Variants in LRRC71 observed in about 807,000 individuals in gnomAD.
The protein encoded by LRRC71 is leucine rich repeat containing 71.
A neutral mutation model predicts 66.6 loss-of-function variants in LRRC71; 54 were observed. The ratio of observed to expected loss-of-function variants is 0.81; its 90% confidence interval spans 0.65 to 1.02. The LOEUF (loss-of-function observed/expected upper bound fraction) is 1.02, where lower values mean the gene tolerates loss of function less well. Ranked by LOEUF, LRRC71 falls within the 50% of genes least tolerant of loss-of-function variation. The pLI is 0.00. For synonymous variants in LRRC71, 323 were observed against 303.9 expected (o/e 1.06, Z -0.65); for missense variants, 724 against 718.0 (o/e 1.01, Z -0.10).
At position 156,929,350 on chromosome 1, in the gene LRRC71, G is replaced by A. The variant is rs746568632; in HGVS notation, c.1067G>A (p.Ser356Asn). The change falls in exon 10 of 15, where the codon AGT becomes AAT. Residue 356 changes from serine to asparagine, a missense_variant. Transcript: ENST00000337428. ...AGTCAGATGGTAGGGATCAGCAATA[G>A]TGCATTGGTGGACAAGACAGACAAG... Reference protein sequence around the residue: ...EKSQMVGISNSALVDKTDKTQ... With the variant: ...EKSQMVGISNNALVDKTDKTQ... 6.8e-6 allele frequency: 11 copies of A among 1,613,468 alleles called. No individual in the cohort carries two copies. The highest frequency in any genetic ancestry group is 8.5e-6 in the Non-Finnish European group (10 of 1,179,730).
the LRRC71 span, chr1:156,940,186 G>C: frequency 6.5e-7 from 1 of 1,549,246 alleles, no homozygotes; most frequent in Non-Finnish European, 8.7e-7. Flanking sequence ...GGGGCTGACG[G>C]CAGGGCCTTG....
Position 156,924,564 on chromosome 1 carries a change from T to TCCCCCCCCCCCCC in LRRC71, c.439+18_439+19insCCCCCCCCCCCCC. ...AATCTACATCCGCGGTGAGCCCCGCTCCCCCCACCCGCCCCAGCTCCCTCC... is the reference window on the plus strand; with the variant it reads ...AATCTACATCCGCGGTGAGCCCCGCTCCCCCCCCCCCCCCCCCCCACCCGCCCCAGCTCCCTCC... On this transcript the variant is annotated intron_variant, in intron 3 of 14. Transcript: ENST00000337428. The TCCCCCCCCCCCCC allele has an allele frequency of 6.5e-7, 1 of 1,531,814 alleles. No homozygotes were observed. Among genetic ancestry groups the TCCCCCCCCCCCCC allele is most frequent in the Non-Finnish European group, 8.8e-7 (1 of 1,131,924 alleles). The allele number at this position is 1,531,814 out of a possible 1,614,324, so 94.9% of individuals were successfully genotyped here. A position where few individuals can be genotyped will look rare whatever the true frequency, so the allele number is the denominator to read the frequency against.
the LRRC71 span, chr1:156,940,469 G>C: frequency 6.5e-7 from 1 of 1,546,234 alleles, no homozygotes; most frequent in South Asian, 1.2e-5. Flanking sequence ...AAAGGGAGAG[G>C]GCACGTATGG....
At chr1:156,928,491 C>CTTT (rs1653739336) in intron 9 of LRRC71, among the ~76,000 whole-genome samples, 1 of 137,908 alleles carries the variant, frequency 7.3e-6, no homozygotes, top group African/African-American at 2.9e-5. Context: ...CCTCCTCCTC[C>CTTT]TCTTCTTCCT....
chr1:156,925,759 C>T (rs1015272996), intron 5 of LRRC71, among the ~76,000 whole-genome samples: 12 of 152,228 alleles, frequency 7.9e-5, no homozygotes, highest in Non-Finnish European at 1.5e-4. Context: ...GGGTACCCCT[C>T]CATGCAGTGG....
Position 156,924,639 on chromosome 1 carries a change from G to A in LRRC71, c.440-4G>A, listed in dbSNP as rs774725293. On this transcript the variant is annotated splice_polypyrimidine_tract_variant and splice_region_variant and intron_variant, in intron 3 of 14. Coordinates refer to ENST00000337428, the MANE Select transcript of LRRC71 (RefSeq NM_144702.3). ...TGAGGCACCTGCCTCCTCTTGGCCC[G>A]CAGGTTGGAAGGTTGAGGAACGGAT... 1.4e-6 allele frequency: 2 copies of A among 1,466,838 alleles called. No individual in the cohort carries two copies. Among genetic ancestry groups the A allele is most frequent in the South Asian group, 1.2e-5 (1 of 82,528 alleles). 90.9% of individuals were successfully genotyped at this position (1,466,838 alleles called of 1,614,324 possible).
intron 11 of LRRC71, among the ~76,000 whole-genome samples, 185 bp from the exon 12 acceptor site, chr1:156,930,344 C>T (rs944617063): frequency 3.1e-4 from 47 of 151,796 alleles, no homozygotes; most frequent in African/African-American, 1.0e-3. Flanking sequence ...CCTCCTGCTT[C>T]GGCCTCCCAA....
At position 156,927,738 on chromosome 1, in the gene LRRC71, C is replaced by T. The variant is rs770871396; in HGVS notation, c.828C>T (p.Leu276=). Residue 276 remains leucine, a synonymous_variant, in exon 8 of 15, where the codon CTC becomes CTT. Coordinates refer to ENST00000337428, the MANE Select transcript of LRRC71 (RefSeq NM_144702.3). The part of the protein sequence containing the change: ...DEGAGYIADG[L]RLNRSLLWLS... ...CGTCCCTGCCCGCCTCTTAGGGCCT[C>T]CGGCTGAACCGTTCCCTGCTCTGGC... 1 of 1,609,508 alleles carries T rather than the reference C, an allele frequency of 6.2e-7. No individual in the cohort carries two copies. Among genetic ancestry groups the T allele is most frequent in the South Asian group, 1.1e-5 (1 of 91,066 alleles).
chr1:156,932,109 A>G (rs1404706093), intron 13 of LRRC71, 82 bp downstream of exon 13: 4 of 1,109,574 alleles, frequency 3.6e-6, no homozygotes, highest in African/African-American at 1.6e-5. Context: ...CCCCGACTCT[A>G]TGGAGCAGAG....
Position 156,920,736 on chromosome 1 carries a change from C to A in LRRC71, c.-68C>A. The A allele has an allele frequency of 2.1e-6, 3 of 1,419,860 alleles. No homozygotes were observed. Among genetic ancestry groups the A allele is most frequent in the South Asian group, 1.6e-5 (1 of 62,414 alleles). 88.0% of individuals were successfully genotyped at this position (1,419,860 alleles called of 1,614,324 possible). ...CTGATTCAGCCACCCCCAGACTGAG[C>A]CCCGTAGAGTGCGTTCTTACCTTCC... On this transcript the variant is annotated 5_prime_UTR_variant, in exon 1 of 15. Coordinates refer to ENST00000337428, the MANE Select transcript of LRRC71 (RefSeq NM_144702.3). The surrounding 1 kb of genome is among the most constrained non-coding windows in gnomAD (Gnocchi z 4.9).
In LRRC71 at chr1:156,932,046, CCT is replaced by C. The variant is rs756908983; in HGVS notation, c.1441+20_1441+21del. On this transcript the variant is annotated intron_variant, in intron 13 of 14. Transcript: ENST00000337428. ...CTCATCCGTATGTCTGCCAACCTCCCCTGTCCTCCTGTCATGAGGCTACCCGG... is the reference window on the plus strand; with the variant it reads ...CTCATCCGTATGTCTGCCAACCTCCCGTCCTCCTGTCATGAGGCTACCCGG... 1.2e-5 allele frequency: 19 copies of C among 1,553,340 alleles called. 1 individual carries two copies. Among genetic ancestry groups the C allele is most frequent in the Admixed American group, 1.9e-5 (1 of 53,016 alleles).
chr1:156,927,376 T>C (rs1653363166), intron 6 of LRRC71, 106 bp downstream of exon 6: 1 of 1,526,408 alleles, frequency 6.6e-7, no homozygotes, highest in East Asian at 2.3e-5. Flanking sequence ...GCAAGGGCCC[T>C]CGATTTCTGC....
chr1:156,933,165 A>G (rs557174155), downstream of LRRC71: 4 of 521,522 alleles, frequency 7.7e-6, no homozygotes, highest in South Asian at 1.1e-4. Context: ...GTTACATGCC[A>G]GGAATGGCAG....
downstream of LRRC71, chr1:156,936,050 C>A (rs752313950): frequency 6.2e-7 from 1 of 1,613,742 alleles, no homozygotes; most frequent in Non-Finnish European, 8.5e-7. Context: ...TCCAGGGGGG[C>A]GTCAGAGCCT....
At chr1:156,938,573 G>T in the LRRC71 span, 2 of 1,542,334 alleles carry the variant, frequency 1.3e-6, no homozygotes, top group South Asian at 2.3e-5. Flanking sequence ...AAAGGGAAGG[G>T]AGAGAGAACA....
At chr1:156,924,883 T>G in intron 4 of LRRC71, 55 bp from the exon 5 acceptor site, 1 of 1,543,862 alleles carries the variant, frequency 6.5e-7, no homozygotes, top group Non-Finnish European at 8.8e-7. Context: ...GGGAGGGTTT[T>G]CCAGTAGGAG....
At chr1:156,930,718 C>T (rs1654242955) in intron 12 of LRRC71, 101 bp downstream of exon 12, 5 of 1,109,114 alleles carry the variant, frequency 4.5e-6, no homozygotes, top group African/African-American at 1.6e-5. Context: ...GGTCTCCAGC[C>T]CCATGCTGTG....
At position 156,924,998 on chromosome 1, in the gene LRRC71, C is replaced by G. The variant is rs556107111; in HGVS notation, c.576C>G (p.Leu192=). 1 of 1,551,752 alleles carries G rather than the reference C, an allele frequency of 6.4e-7. No homozygotes were observed. The highest frequency in any genetic ancestry group is 8.7e-7 in the Non-Finnish European group (1 of 1,147,010). The part of the protein sequence containing the change: ...TLTTFIELLP[L]CSSTLRKVSL... ...CCACCTTCATCGAGCTCCTGCCTCT[C>G]TGTTCATCCACGCTCAGGTCAGCAG... Residue 192 remains leucine, a synonymous_variant, in exon 5 of 15, where the codon CTC becomes CTG. Transcript: ENST00000337428.
chr1:156,927,266 A>G lies in LRRC71; in HGVS notation c.658A>G (p.Ser220Gly). The G allele has an allele frequency of 3.1e-6, 5 of 1,613,518 alleles. No individual in the cohort carries two copies. The highest frequency in any genetic ancestry group is 1.6e-4 in the Middle Eastern group (1 of 6,062). Reference protein sequence around the residue: ...QSYHKLMALDSTIAHLSLRNN... With the variant: ...QSYHKLMALDGTIAHLSLRNN... ...CTATCACAAGCTCATGGCCTTGGAC[A>G]GCACGTGAGACTCCCTGCCCTCACC... Residue 220 changes from serine to glycine, a missense_variant, in exon 6 of 15, where the codon AGC becomes GGC. Transcript: ENST00000337428.
Sources: gnomAD v4.1 joint callset for allele counts (sites outside exome capture counted in the v4.1 genomes callset) on GRCh38, gnomAD v4.1.1 for gene constraint, Gnocchi (gnomAD v3.1) non-coding constraint, MANE v1.5 for transcripts, NCBI Gene and HGNC (gene_info 2026-07-23, HGNC 2026-07-21) for gene names.